Variants in TSPAN32 observed in about 807,000 individuals in gnomAD.
The protein encoded by TSPAN32 is tetraspanin 32.
Under a neutral mutation model 42.7 loss-of-function variants are expected in TSPAN32, and 47 were observed. The ratio of observed to expected loss-of-function variants is 1.10; its 90% confidence interval spans 0.87 to 1.40. TSPAN32 has a LOEUF of 1.40. Ranked by LOEUF, TSPAN32 falls within the 40% of genes most tolerant of loss-of-function variation. TSPAN32 has a pLI of 0.00. For missense variants in TSPAN32, 469 were observed against 424.1 expected (o/e 1.11, Z -0.93); for synonymous variants, 175 against 175.9 (o/e 0.99, Z 0.04).
At position 2,304,787 on chromosome 11, in the gene TSPAN32, AC is replaced by A. The variant is rs1162402653; in HGVS notation, c.279+584del. 7.0e-6 allele frequency among the ~76,000 whole-genome samples: 1 copy of A among 143,766 alleles called. No homozygotes were observed. The highest frequency in any genetic ancestry group is 1.5e-5 in the Non-Finnish European group (1 of 65,732). The allele number at this position is 143,766 out of a possible 152,430, so 94.3% of individuals were successfully genotyped here. A position where few individuals can be genotyped will look rare whatever the true frequency, so the allele number is the denominator to read the frequency against. The stretch of plus-strand genomic sequence containing the variant: ...GTGGCCTCTTGTCACCCTCATTCCT[AC>A]TCCTCCCCATGGGCTTCTGTCTTGG... On this transcript the variant is annotated intron_variant, in intron 3 of 9. Coordinates refer to ENST00000182290, the MANE Select transcript of TSPAN32 (RefSeq NM_139022.3). The surrounding 1 kb of genome is among the most constrained non-coding windows in gnomAD (Gnocchi z 4.8).
intron 6 of TSPAN32, chr11:2,315,122 C>T (rs1296489544): frequency 1.4e-5 from 8 of 582,592 alleles, no homozygotes; most frequent in Non-Finnish European, 1.9e-5. Flanking sequence ...CTGGGAGAGA[C>T]TGGGCCCTCC....
At position 2,304,968 on chromosome 11, in the gene TSPAN32, T is replaced by G. The variant is rs1847993280; in HGVS notation, c.279+764T>G. The stretch of plus-strand genomic sequence containing the variant: ...TCCCACCTGTCCCTCTAGCCTCCCG[T>G]CTCCCCTTTCCAGCCATGAGGAGCT... On this transcript the variant is annotated intron_variant, in intron 3 of 9. Transcript: ENST00000182290. This position sits in a 1 kb window ranked among gnomAD's most constrained non-coding sequence, Gnocchi z 4.8. 6.6e-6 allele frequency among the ~76,000 whole-genome samples: 1 copy of G among 152,142 alleles called. No homozygotes were observed. Among genetic ancestry groups the G allele is most frequent in the Non-Finnish European group, 1.5e-5 (1 of 68,032 alleles).
intron 4 of TSPAN32, among the ~76,000 whole-genome samples, chr11:2,311,794 C>T (rs182138966): frequency 2.0e-5 from 3 of 152,336 alleles, no homozygotes; most frequent in Admixed American, 2.0e-4. Flanking sequence ...CACCTTCCCC[C>T]AGGTGTCCTG....
At chr11:2,306,142 A>G (rs1440957086) in intron 3 of TSPAN32, among the ~76,000 whole-genome samples, 1 of 151,684 alleles carries the variant, frequency 6.6e-6, no homozygotes, top group East Asian at 1.9e-4. Context: ...TGCATCTGGC[A>G]CATCTGTATG....
chr11:2,315,692 G>A, intron 6 of TSPAN32: 1 of 1,204,426 alleles, frequency 8.3e-7, no homozygotes, highest in South Asian at 1.5e-5. Flanking sequence ...CCAGGGTTCA[G>A]AGACAGGCCT....
intron 4 of TSPAN32, chr11:2,309,432 A>G (rs972566552): frequency 2.4e-5 from 11 of 453,864 alleles, no homozygotes; most frequent in Non-Finnish European, 5.0e-5. Flanking sequence ...TTGGAGAGGA[A>G]GGAGGCCTCC....
chr11:2,315,600 G>A, intron 6 of TSPAN32: 1 of 1,180,584 alleles, frequency 8.5e-7, no homozygotes, highest in Non-Finnish European at 1.1e-6. Context: ...CGGGAGGGAG[G>A]CAGACCTGCC....
intron 4 of TSPAN32, among the ~76,000 whole-genome samples, chr11:2,311,562 C>T (rs1045226807): frequency 3.9e-5 from 6 of 152,158 alleles, no homozygotes; most frequent in Admixed American, 3.9e-4. Flanking sequence ...CGAGTGGGCT[C>T]AGGCCAGAGC....
At chr11:2,308,567 C>T (rs1455107025) in intron 3 of TSPAN32, among the ~76,000 whole-genome samples, 169 bp from the exon 4 acceptor site, 1 of 2,850 alleles carries the variant, frequency 3.5e-4, no homozygotes, top group Admixed American at 1.3e-3. Context: ...ACCGGCCCCC[C>T]GCAGTGACCA....
At position 2,317,458 on chromosome 11, in the gene TSPAN32, T is replaced by C. The variant is rs758233212; in HGVS notation, c.834T>C (p.Ser278=). The C allele has an allele frequency of 1.9e-6, 3 of 1,602,226 alleles. No individual in the cohort carries two copies. The part of the protein sequence containing the change: ...VAIGPRGCSG[S]LRWLQESDAA... ...TTGGTCCAAGAGGATGCTCGGGTAG[T>C]CTTCGGTGGCTGCAGGAGAGCGATG... Residue 278 remains serine (S), a synonymous_variant, in exon 9 of 10, where the codon AGT becomes AGC. Transcript: ENST00000182290. The surrounding 1 kb of genome is among the most constrained non-coding windows in gnomAD (Gnocchi z 6.2).
In TSPAN32 at chr11:2,316,626, C is replaced by T. The variant is rs369812524; in HGVS notation, c.678C>T (p.Gly226=). 2 of 1,547,302 alleles carry T rather than the reference C, an allele frequency of 1.3e-6. No homozygotes were observed. Among genetic ancestry groups the T allele is most frequent in the Non-Finnish European group, 1.7e-6 (2 of 1,144,768 alleles). ...TCCTGTGGTTTGCCATCCGCTGTGG[C>T]TGCAGCTTGGACCGCAAGGGCAAAT... The part of the protein sequence containing the change: ...SSFLWFAIRC[G]CSLDRKGKYT... The change falls in exon 8 of 10, where the codon GGC becomes GGT. Residue 226 remains glycine, a synonymous_variant. Coordinates refer to ENST00000182290, the MANE Select transcript of TSPAN32 (RefSeq NM_139022.3).
intron 3 of TSPAN32, among the ~76,000 whole-genome samples, chr11:2,306,547 G>GAGAA (rs1379315884): frequency 6.7e-6 from 1 of 149,888 alleles, no homozygotes; most frequent in African/African-American, 2.5e-5. Context: ...GGTGGGGGGA[G>GAGAA]AGAGAGAAAG....
At chr11:2,311,545 C>T (rs908823975) in intron 4 of TSPAN32, among the ~76,000 whole-genome samples, 15 of 152,176 alleles carry the variant, frequency 9.9e-5, no homozygotes, top group Admixed American at 2.0e-4. Context: ...CTGGATCCTC[C>T]AGCCGCCGAG....
intron 4 of TSPAN32, chr11:2,309,656 G>A (rs992821219): frequency 7.1e-6 from 2 of 280,772 alleles, no homozygotes; most frequent in Non-Finnish European, 7.4e-6. Context: ...TCAAGTGCCT[G>A]GTTGCCCAGG....
At chr11:2,315,955 C>T (rs775336175) in intron 6 of TSPAN32, 3 of 1,528,774 alleles carry the variant, frequency 2.0e-6, no homozygotes, top group South Asian at 1.2e-5. Flanking sequence ...TGTGGCCCAA[C>T]ATGGACGCTC....
chr11:2,313,536 AG>A lies in TSPAN32; in HGVS notation c.355-117del, dbSNP rs2133361258. Reference sequence around the variant, plus strand: ...GAGATCCACCTGCTACAAGGAGGGCAGTGCTGGGACGTCACTCAGCACTAAG... The same window carrying A: ...GAGATCCACCTGCTACAAGGAGGGCATGCTGGGACGTCACTCAGCACTAAG... On this transcript the variant is annotated intron_variant, in intron 4 of 9. Coordinates refer to ENST00000182290, the MANE Select transcript of TSPAN32 (RefSeq NM_139022.3). The surrounding 1 kb of genome is among the most constrained non-coding windows in gnomAD (Gnocchi z 9.1). 1 of 731,366 alleles carries A rather than the reference AG, an allele frequency of 1.4e-6. No homozygotes were observed. The highest frequency in any genetic ancestry group is 2.2e-6 in the Non-Finnish European group (1 of 446,492). The allele number at this position is 731,366 out of a possible 1,614,324, so 45.3% of individuals were successfully genotyped here. A position where few individuals can be genotyped will look rare whatever the true frequency, so the allele number is the denominator to read the frequency against.
rs1317360142 is a variant in TSPAN32 at position 2,313,493 on chromosome 11, CCCAGGT to C, written c.355-160_355-155del. 6.6e-6 allele frequency among the ~76,000 whole-genome samples: 1 copy of C among 152,154 alleles called. No individual in the cohort carries two copies. The highest frequency in any genetic ancestry group is 1.5e-5 in the Non-Finnish European group (1 of 68,034). ...AGCACTGTGACTGGCTGCCCAGGGA[CCCAGGT>C]TCCGCTTTGGGGAGATCCACCTGCT... On this transcript the variant is annotated intron_variant, in intron 4 of 9. Coordinates refer to ENST00000182290, the MANE Select transcript of TSPAN32 (RefSeq NM_139022.3). The surrounding 1 kb of genome is among the most constrained non-coding windows in gnomAD (Gnocchi z 9.1).
chr11:2,311,486 G>A (rs912549381), intron 4 of TSPAN32, among the ~76,000 whole-genome samples: 1 of 152,168 alleles, frequency 6.6e-6, no homozygotes, highest in Non-Finnish European at 1.5e-5. Flanking sequence ...GCAGTGTGGG[G>A]TGCAGCCTCG....
chr11:2,311,833 GC>G (rs1396765980), intron 4 of TSPAN32, among the ~76,000 whole-genome samples: 1 of 152,244 alleles, frequency 6.6e-6, no homozygotes, highest in African/African-American at 2.4e-5. Context: ...CTCCTTCAGA[GC>G]CCCCAGAGCC....
Sources: allele counts gnomAD v4.1 joint callset (sites outside exome capture counted in the v4.1 genomes callset), GRCh38; gene constraint gnomAD v4.1.1; non-coding constraint Gnocchi (gnomAD v3.1); transcripts MANE v1.5; gene names NCBI Gene and HGNC (gene_info 2026-07-23, HGNC 2026-07-21).